The following UBE2Q1 variants were observed in gnomAD, a reference collection of about 807,000 sequenced individuals.
UBE2Q1 encodes the protein ubiquitin-conjugating enzyme E2 Q1.
In UBE2Q1, 6 loss-of-function variants were observed where a neutral mutation model predicts 60.1. That is an observed-to-expected ratio of 0.10 (90% CI 0.05 to 0.20). The LOEUF (loss-of-function observed/expected upper bound fraction) is 0.20, where lower values mean the gene tolerates loss of function less well. Among genes scored for constraint, UBE2Q1 ranks in the 10% least tolerant of loss-of-function variants. UBE2Q1 has a pLI of 1.00. For missense variants in UBE2Q1, 262 were observed against 525.8 expected, an observed-to-expected ratio of 0.50 and a Z score of 4.91; for synonymous variants, 226 against 208.3, an observed-to-expected ratio of 1.09 and a Z score of -0.73.
intron 4 of UBE2Q1, among the ~76,000 whole-genome samples, chr1:154,554,278 G>A (rs556591775): frequency 6.6e-6 from 1 of 151,884 alleles, no homozygotes; most frequent in South Asian, 2.1e-4. Flanking sequence ...TTTATATTCT[G>A]TATGTTTTTA....
At position 154,548,789 on chromosome 1, in the gene UBE2Q1, A is replaced by C. The variant is rs773547808; in HGVS notation, c.*1649T>G. On this transcript the variant is annotated 3_prime_UTR_variant, in exon 13 of 13. Coordinates refer to ENST00000292211, the MANE Select transcript of UBE2Q1 (RefSeq NM_017582.7). ...AATTTTCCCCTTATGTCCCGTCTTT[A>C]TCTCAACCTCAGCATGTTTTATTAG... 7.9e-5 allele frequency: 12 copies of C among 152,714 alleles called. No homozygotes were observed. Among genetic ancestry groups the C allele is most frequent in the African/African-American group, 2.6e-4 (11 of 41,552 alleles). The allele number at this position is 152,714 out of a possible 1,614,324, so 9.5% of individuals were successfully genotyped here.
intron 7 of UBE2Q1, 100 bp from the exon 8 acceptor site, chr1:154,552,283 C>T: frequency 7.5e-6 from 12 of 1,591,212 alleles, no homozygotes; most frequent in Non-Finnish European, 1.0e-5. Context: ...AAACCACTGC[C>T]CACACCCGCT....
At chr1:154,551,591 C>T (rs1443827425) in intron 10 of UBE2Q1, 99 bp from the exon 11 acceptor site, 6 of 1,472,290 alleles carry the variant, frequency 4.1e-6, no homozygotes, top group Non-Finnish European at 9.5e-7. Flanking sequence ...ATAGGAGGGC[C>T]CTTGCCCTTT....
chr1:154,555,998 T>C (rs761859704), intron 1 of UBE2Q1, 34 bp from the exon 2 acceptor site: 5 of 1,595,102 alleles, frequency 3.1e-6, no homozygotes, highest in Non-Finnish European at 4.3e-6. Flanking sequence ...GCAATCAAAA[T>C]GGGTGACTCT....
chr1:154,558,294 G>T lies in UBE2Q1; in HGVS notation c.260C>A (p.Pro87His). The stretch of plus-strand genomic sequence containing the variant: ...CCCCCGTGGGGGGAGATGCGGTCCG[G>T]GCGCGGCCCCCGCCCCGGCCCCTCC... Reference protein sequence around the residue: ...GAGGAGAGAAPGPHLPPRGSV... With the variant: ...GAGGAGAGAAHGPHLPPRGSV... Residue 87 changes from proline to histidine, a missense_variant, in exon 1 of 13, where the codon CCC becomes CAC. Around this residue, in one of 5 missense-constraint regions of UBE2Q1, gnomAD observed 49 missense variants for 32.5 expected, o/e 1.51. Coordinates refer to ENST00000292211, the MANE Select transcript of UBE2Q1 (RefSeq NM_017582.7). The T allele has an allele frequency of 6.3e-7, 1 of 1,583,946 alleles. No individual in the cohort carries two copies. Among genetic ancestry groups the T allele is most frequent in the South Asian group, 1.1e-5 (1 of 87,782 alleles).
intron 1 of UBE2Q1, among the ~76,000 whole-genome samples, chr1:154,556,308 T>C (rs1489428918): frequency 1.3e-5 from 2 of 152,160 alleles, no homozygotes; most frequent in Non-Finnish European, 2.9e-5. Context: ...AGTTCTAGAC[T>C]TCAAGTTCTC....
At chr1:154,551,848 C>G (rs1695795102) in intron 9 of UBE2Q1, 29 bp from the exon 10 acceptor site, 2 of 1,614,110 alleles carry the variant, frequency 1.2e-6, no homozygotes, top group Non-Finnish European at 1.7e-6. Context: ...TCAGCTGTGC[C>G]TGACAAAATC....
chr1:154,552,256 G>A (rs1695802547), intron 7 of UBE2Q1, 73 bp from the exon 8 acceptor site: 2 of 1,597,532 alleles, frequency 1.3e-6, no homozygotes, highest in African/African-American at 2.7e-5. Context: ...CCCTGCCCTG[G>A]CTGGCAGCAG....
rs540223445 is a variant in UBE2Q1, at chr1:154,552,389, A to C, written c.875+15T>G. On this transcript the variant is annotated intron_variant, in intron 7 of 12. Transcript: ENST00000292211. ...CCTCCTCAACTTCCTCTCCAATCCC[A>C]GAGTCCCCACTCACTTGAGGAGTTT... is the stretch of plus-strand genomic sequence containing the variant. The C allele has an allele frequency of 1.9e-6, 3 of 1,614,042 alleles. No individual in the cohort carries two copies. The South Asian group carries it at 3.3e-5, about 18-fold the overall frequency.
In UBE2Q1 at chr1:154,552,187, A is replaced by T. The variant is rs1349078295; in HGVS notation, c.876-4T>A. On this transcript the variant is annotated splice_polypyrimidine_tract_variant and splice_region_variant and intron_variant, in intron 7 of 12. Transcript: ENST00000292211. Reference sequence around the variant, plus strand: ...CAAAGCGCTGTCCTGGTCAACTCTAAGAAGCAACAAGCCTGGGCTCAGATG... The same window carrying T: ...CAAAGCGCTGTCCTGGTCAACTCTATGAAGCAACAAGCCTGGGCTCAGATG... 6.2e-7 allele frequency: 1 copy of T among 1,614,210 alleles called. No homozygotes were observed. Among genetic ancestry groups the T allele is most frequent in the East Asian group, 2.2e-5 (1 of 44,888 alleles).
In UBE2Q1 at chr1:154,552,077, A is replaced by G. The variant is rs762247529; in HGVS notation, c.966+16T>C. 5.9e-5 allele frequency: 96 copies of G among 1,614,060 alleles called. No homozygotes were observed. The highest frequency in any genetic ancestry group is 7.9e-5 in the Non-Finnish European group (93 of 1,180,028). ...AGCCTAGGCCAGAGGGAGAGACTGG[A>G]AAAGAAAAGTCTTACTTTAAAGGAA... On this transcript the variant is annotated intron_variant, in intron 8 of 12. Coordinates refer to ENST00000292211, the MANE Select transcript of UBE2Q1 (RefSeq NM_017582.7).
rs1445223180 is a variant in UBE2Q1 at position 154,553,283 on chromosome 1, G to A, written c.589-111C>T. ...TTGGCGAAGAGCCAAAAGTTAAAGT[G>A]AAGCAGTCCATCTAGCAGTCTTATA... On this transcript the variant is annotated intron_variant, in intron 4 of 12. Coordinates refer to ENST00000292211, the MANE Select transcript of UBE2Q1 (RefSeq NM_017582.7). 4 of 1,396,340 alleles carry A rather than the reference G, an allele frequency of 2.9e-6. No homozygotes were observed. In the African/African-American group the frequency reaches 5.8e-5, roughly 20 times the overall value. 86.5% of individuals were successfully genotyped at this position (1,396,340 alleles called of 1,614,324 possible).
At position 154,550,963 on chromosome 1, in the gene UBE2Q1, G is replaced by C; in HGVS notation, c.1212C>G (p.Ser404=). ...CGTTTTTTTCGTGGATCTGCACCAA[G>C]GACTTGTAGGACTGCTGTGCTCTTG... is the stretch of plus-strand genomic sequence containing the variant. ...SLTRAQQSYK[S]LVQIHEKNGW... is the part of the protein sequence containing the mutation. The change falls in exon 12 of 13, where the codon TCC becomes TCG. Residue 404 remains serine (S), a synonymous_variant. Coordinates refer to ENST00000292211, the MANE Select transcript of UBE2Q1 (RefSeq NM_017582.7). 1 of 1,614,124 alleles carries C rather than the reference G, an allele frequency of 6.2e-7. No homozygotes were observed. Among genetic ancestry groups the C allele is most frequent in the Non-Finnish European group, 8.5e-7 (1 of 1,180,014 alleles).
intron 1 of UBE2Q1, among the ~76,000 whole-genome samples, chr1:154,557,964 C>A (rs1457456722): frequency 6.6e-6 from 1 of 151,938 alleles, no homozygotes; most frequent in African/African-American, 2.4e-5. Context: ...AAATCATGAA[C>A]CTTGGGATGT....
chr1:154,552,086 GT>G lies in UBE2Q1; in HGVS notation c.966+6del. On this transcript the variant is annotated splice_donor_region_variant and intron_variant, in intron 8 of 12. Transcript: ENST00000292211. ...CAGAGGGAGAGACTGGAAAAGAAAA[GT>G]CTTACTTTAAAGGAAAAGTTAAGTA... is the stretch of plus-strand genomic sequence containing the variant. The G allele has an allele frequency of 6.2e-7, 1 of 1,614,156 alleles. No individual in the cohort carries two copies. The highest frequency in any genetic ancestry group is 8.5e-7 in the Non-Finnish European group (1 of 1,180,002).
chr1:154,550,683 A>G, intron 12 of UBE2Q1: 8 of 985,316 alleles, frequency 8.1e-6, no homozygotes, highest in Non-Finnish European at 9.6e-6. Context: ...GGAGAGTTAG[A>G]TGAGCTTTTT....
intron 3 of UBE2Q1, 98 bp from the exon 4 acceptor site, chr1:154,554,883 T>C (rs1695855973): frequency 1.6e-6 from 2 of 1,260,898 alleles, no homozygotes; most frequent in Admixed American, 2.2e-5. Flanking sequence ...CTGGAAGTTG[T>C]GCGCCTGCCT....
At chr1:154,550,790 G>C (rs951031032) in intron 12 of UBE2Q1, 148 bp downstream of exon 12, 1 of 1,537,936 alleles carries the variant, frequency 6.5e-7, no homozygotes, top group African/African-American at 1.4e-5. Flanking sequence ...GCCACCGCCA[G>C]TCCCTCCTGG....
At position 154,554,450 on chromosome 1, in the gene UBE2Q1, C is replaced by T. The variant is rs192060505; in HGVS notation, c.588+285G>A. The stretch of plus-strand genomic sequence containing the variant: ...CTTAGTGAGATTACATAAAATTCCT[C>T]AATTAGGATAGCTAGGATGCAAACA... On this transcript the variant is annotated intron_variant, in intron 4 of 12. Transcript: ENST00000292211. Among the ~76,000 whole-genome samples, 528 of 152,238 alleles carry T rather than the reference C, an allele frequency of 3.5e-3. 14 individuals carry two copies. The highest frequency in any genetic ancestry group is 0.031 in the Admixed American group (481 of 15,292).
Sources: gnomAD v4.1 joint callset for allele counts (sites outside exome capture counted in the v4.1 genomes callset) on GRCh38, gnomAD v4.1.1 for gene constraint, gnomAD v4.1.1 regional missense constraint, MANE v1.5 for transcripts, NCBI Gene and HGNC (gene_info 2026-07-23, HGNC 2026-07-21) for gene names.